Variants in CTBP2 observed in about 807,000 individuals in gnomAD.
CTBP2 encodes the protein C-terminal binding protein 2, also known as C-terminal-binding protein 2.
CTBP2 carries 30 observed loss-of-function variants against 80.3 expected under a neutral mutation model. The observed-to-expected ratio is 0.37, with a 90% confidence interval of 0.28 to 0.51. The LOEUF is 0.51. CTBP2 is among the 20% of genes least tolerant of loss of function. The pLI is 0.93. For missense variants in CTBP2, 1,212 were observed against 1,375.3 expected (o/e 0.88, Z 1.88); for synonymous variants, 594 against 587.4 (o/e 1.01, Z -0.16).
In CTBP2 at chr10:124,987,373, T is replaced by C. The variant is rs1465255678; in HGVS notation, c.*2145A>G. On this transcript the variant is annotated 3_prime_UTR_variant, in exon 9 of 9. Transcript: ENST00000309035. ...CCTTGGGGTCAAATTTATATATATATATATAAATTTTTGTTTGGGCGACCA... is the reference window on the plus strand; with the variant it reads ...CCTTGGGGTCAAATTTATATATATACATATAAATTTTTGTTTGGGCGACCA... The C allele has an allele frequency of 6.6e-6, 1 of 151,510 alleles. No individual in the cohort carries two copies. The highest frequency in any genetic ancestry group is 1.5e-5 in the Non-Finnish European group (1 of 67,926). 9.4% of individuals were successfully genotyped at this position (151,510 alleles called of 1,614,324 possible).
At chr10:125,047,154 T>C (rs961433284) in intron 2 of CTBP2, among the ~76,000 whole-genome samples, 1 of 150,526 alleles carries the variant, frequency 6.6e-6, no homozygotes, top group Admixed American at 6.8e-5. Flanking sequence ...TATTTAATAA[T>C]AAAGGTTAAG....
intron 1 of CTBP2, among the ~76,000 whole-genome samples, chr10:125,111,867 G>A (rs1023208424): frequency 5.9e-5 from 9 of 152,132 alleles, no homozygotes; most frequent in African/African-American, 2.2e-4. Context: ...GGCATGTCCA[G>A]GTGTCCTTTC....
chr10:125,076,056 C>T (rs183002571), intron 2 of CTBP2, among the ~76,000 whole-genome samples: 39 of 152,340 alleles, frequency 2.6e-4, no homozygotes, highest in Middle Eastern at 3.4e-3. Context: ...ATAATCTGTG[C>T]TATCATCACA....
chr10:125,043,796 A>T (rs1322606528), intron 2 of CTBP2, among the ~76,000 whole-genome samples: 2 of 152,198 alleles, frequency 1.3e-5, no homozygotes, highest in Non-Finnish European at 2.9e-5. Flanking sequence ...AGCTGAAGGG[A>T]TTTATAGAGT....
upstream of CTBP2, among the ~76,000 whole-genome samples, chr10:125,029,304 CGA>C (rs1957955751): frequency 2.7e-5 from 4 of 148,948 alleles, no homozygotes; most frequent in Admixed American, 2.7e-4. Context: ...TGCAATGGCG[CGA>C]TCTCGGCTCA....
intron 2 of CTBP2, among the ~76,000 whole-genome samples, chr10:125,109,539 G>A (rs986502582): frequency 2.3e-4 from 35 of 152,250 alleles, no homozygotes; most frequent in African/African-American, 8.0e-4. Context: ...GTTGCGAGTG[G>A]CGGTCCTGAC....
At chr10:124,994,378 ACCTCCGTTGC>A in intron 5 of CTBP2, 81 bp downstream of exon 7, 3 of 1,283,246 alleles carry the variant, frequency 2.3e-6, no homozygotes, top group Non-Finnish European at 3.3e-6. Context: ...TCCAGAAACC[ACCTCCGTTGC>A]CCTCCGTGTC....
intron 4 of CTBP2, 158 bp downstream of exon 6, chr10:124,997,806 T>TGACTCCGATCTCCTACCCC: frequency 2.8e-6 from 2 of 714,060 alleles, no homozygotes; most frequent in Non-Finnish European, 4.6e-6. Flanking sequence ...TGATGGGTCT[T>TGACTCCGATCTCCTACCCC]GACTCCGATC....
chr10:125,104,944 G>T (rs1426220612), intron 2 of CTBP2, among the ~76,000 whole-genome samples: 1 of 152,070 alleles, frequency 6.6e-6, no homozygotes, highest in African/African-American at 2.4e-5. Context: ...AAAACACCAG[G>T]CCCGAGGACA....
In CTBP2 at chr10:125,084,517, C is replaced by G. The variant is rs76957671; in HGVS notation, c.-102+26473G>C. On this transcript the variant is annotated intron_variant, in intron 2 of 10. Coordinates refer to the CTBP2 transcript ENST00000337195. Reference sequence around the variant, plus strand: ...GGCTCCCGCCCAAACCTTCCCCATCCTCTCTGGGAAGGGAGGGCGTGAGGA... The same window carrying G: ...GGCTCCCGCCCAAACCTTCCCCATCGTCTCTGGGAAGGGAGGGCGTGAGGA... 1.5e-3 allele frequency among the ~76,000 whole-genome samples: 235 copies of G among 152,320 alleles called. 1 individual carries two copies. Among genetic ancestry groups the G allele is most frequent in the Non-Finnish European group, 2.5e-3 (169 of 68,020 alleles).
At chr10:125,022,926 C>T (rs923476575) in intron 1 of CTBP2, among the ~76,000 whole-genome samples, 3 of 152,246 alleles carry the variant, frequency 2.0e-5, no homozygotes, top group Non-Finnish European at 2.9e-5. Flanking sequence ...GGGCCGATGG[C>T]GGCGACCCTC....
At position 125,138,663 on chromosome 10, in the gene CTBP2, G is replaced by A. The variant is rs527327157; in HGVS notation, c.-206+21656C>T. Among the ~76,000 whole-genome samples, 6 of 143,284 alleles carry A rather than the reference G, an allele frequency of 4.2e-5. No individual in the cohort carries two copies. The East Asian group carries it at 9.8e-4, about 24-fold the overall frequency. 94.0% of individuals were successfully genotyped at this position (143,284 alleles called of 152,430 possible). A position where few individuals can be genotyped will look rare whatever the true frequency, so the allele number is the denominator to read the frequency against. ...AAGGGAAAATTTCTCCAAGCCAAAT[G>A]GTTAAAAAAAAAAAAAAAAACAGAC... is the stretch of plus-strand genomic sequence containing the variant. On this transcript the variant is annotated intron_variant, in intron 1 of 10. Transcript: ENST00000337195.
chr10:124,987,643 T>C lies in CTBP2; in HGVS notation c.*1875A>G, dbSNP rs535004859. 35 of 152,262 alleles carry C rather than the reference T, an allele frequency of 2.3e-4. No individual in the cohort carries two copies. Among genetic ancestry groups the C allele is most frequent in the African/African-American group, 8.4e-4 (35 of 41,558 alleles). The allele number at this position is 152,262 out of a possible 1,614,324, so 9.4% of individuals were successfully genotyped here. ...TAACTATGAGCGCCGTCTCTCTCCA[T>C]GTGAGCTTGTGTTAATAGACACTTT... On this transcript the variant is annotated 3_prime_UTR_variant, in exon 9 of 9. Coordinates refer to ENST00000309035, the MANE Select transcript of CTBP2 (RefSeq NM_022802.3).
At chr10:125,159,164 G>A (rs1404895465) in intron 1 of CTBP2, among the ~76,000 whole-genome samples, 12 of 150,658 alleles carry the variant, frequency 8.0e-5, no homozygotes, top group Admixed American at 6.6e-4. Flanking sequence ...GCGCCGCGGA[G>A]GGCTGGGAGG....
Position 124,985,075 on chromosome 10 carries a change from C to A in CTBP2, c.*4443G>T. 1.7e-6 allele frequency: 2 copies of A among 1,151,140 alleles called. No homozygotes were observed. The highest frequency in any genetic ancestry group is 1.4e-5 in the South Asian group (1 of 70,800). The allele number at this position is 1,151,140 out of a possible 1,614,324, so 71.3% of individuals were successfully genotyped here. A position where few individuals can be genotyped will look rare whatever the true frequency, so the allele number is the denominator to read the frequency against. On this transcript the variant is annotated 3_prime_UTR_variant, in exon 9 of 9. Coordinates refer to ENST00000309035, the MANE Select transcript of CTBP2 (RefSeq NM_022802.3). ...AGTGTGGTGCTCCAAGCAGAGTCGA[C>A]ATCATGGAATGAACCAAATCTGGCA...
At position 125,027,694 on chromosome 10, in the gene CTBP2, G is replaced by C. The variant is rs752644812; in HGVS notation, c.66C>G (p.Tyr22Ter). ...ACTCGGCGTTCTCCCAGGGGCCCTC[G>C]TACCACCCAGCAGCATCCCAGCTCT... Residue 22 changes from tyrosine to a stop codon, truncating the protein, a stop_gained, in exon 1 of 9, where the codon TAC becomes TAG. Transcript: ENST00000309035. LOFTEE classifies it high-confidence loss of function. 2 of 1,613,706 alleles carry C rather than the reference G, an allele frequency of 1.2e-6. No homozygotes were observed. Among genetic ancestry groups the C allele is most frequent in the East Asian group, 2.2e-5 (1 of 44,870 alleles).
At chr10:125,078,528 T>TAA (rs879881945) in intron 2 of CTBP2, among the ~76,000 whole-genome samples, 9,688 of 150,746 alleles carry the variant, frequency 0.064, 318 homozygotes, top group East Asian at 0.097. Context: ...TTTTTTTTTT[T>TAA]AAACCCAACA....
At chr10:125,034,843 G>A (rs1467962770) in intron 3 of CTBP2, among the ~76,000 whole-genome samples, 1 of 152,144 alleles carries the variant, frequency 6.6e-6, no homozygotes, top group East Asian at 1.9e-4. Context: ...CTTTCCTCGG[G>A]GAAAGAGAAA....
In CTBP2 at chr10:125,098,724, C is replaced by CAG. The variant is rs1564914318; in HGVS notation, c.-102+12264_-102+12265dup. 9.1e-3 allele frequency among the ~76,000 whole-genome samples: 690 copies of CAG among 75,558 alleles called. 13 individuals carry two copies. The highest frequency in any genetic ancestry group is 0.055 in the East Asian group (133 of 2,402). The allele number at this position is 75,558 out of a possible 152,430, so 49.6% of individuals were successfully genotyped here. A position where few individuals can be genotyped will look rare whatever the true frequency, so the allele number is the denominator to read the frequency against. On this transcript the variant is annotated intron_variant, in intron 2 of 10. Coordinates refer to the CTBP2 transcript ENST00000337195. ...AGAGAGAGACAGAGAGAGAGAGAGACAGAGAGAGAGAGAGAGAGAGAGAGA... is the reference window on the plus strand; with the variant it reads ...AGAGAGAGACAGAGAGAGAGAGAGACAGAGAGAGAGAGAGAGAGAGAGAGAGA...
Sources: gnomAD v4.1 joint callset for allele counts (sites outside exome capture counted in the v4.1 genomes callset) on GRCh38, gnomAD v4.1.1 for gene constraint, MANE v1.5 for transcripts, NCBI Gene and HGNC (gene_info 2026-07-23, HGNC 2026-07-21) for gene names.